The following LGSN variants were observed in gnomAD, a reference collection of about 807,000 sequenced individuals.
LGSN encodes lengsin.
Under a neutral mutation model 19.5 loss-of-function variants are expected in LGSN, and 21 were observed. The ratio of observed to expected loss-of-function variants is 1.07; its 90% CI spans 0.76 to 1.55. The LOEUF is 1.55. Among genes scored for constraint, LGSN ranks in the 40% most tolerant of loss-of-function variants. The pLI, the probability that LGSN is intolerant of heterozygous loss-of-function variation, is 0.00. For missense variants in LGSN, 673 were observed against 608.5 expected (o/e 1.11, Z -1.12); for synonymous variants, 257 against 215.6 (o/e 1.19, Z -1.68).
chr6:63,522,702 A>G, the LGSN span, among the ~76,000 whole-genome samples: 18 of 152,100 alleles, frequency 1.2e-4, no homozygotes, highest in Non-Finnish European at 2.6e-4. Context: ...CCTATTGCTC[A>G]TATGTTTACT....
At chr6:63,523,431 G>A in the LGSN span, among the ~76,000 whole-genome samples, 1 of 152,024 alleles carries the variant, frequency 6.6e-6, no homozygotes, top group Non-Finnish European at 1.5e-5. Flanking sequence ...CTACTCGGGA[G>A]GTTTGAACCC....
chr6:63,553,030 G>C, the LGSN span, among the ~76,000 whole-genome samples: 2 of 152,150 alleles, frequency 1.3e-5, no homozygotes, highest in Non-Finnish European at 2.9e-5. Context: ...AGTTGCACGA[G>C]AGTCTTCATA....
the LGSN span, among the ~76,000 whole-genome samples, chr6:63,325,604 C>T: frequency 3.1e-3 from 471 of 152,088 alleles, 4 homozygotes; most frequent in African/African-American, 0.01. Context: ...ATAATGTGTC[C>T]GGAATTGGTG....
the LGSN span, among the ~76,000 whole-genome samples, chr6:63,465,807 G>A: frequency 2.6e-5 from 4 of 152,124 alleles, no homozygotes; most frequent in East Asian, 7.7e-4. Context: ...TCAAAGGAGA[G>A]AGTGAATTTG....
At chr6:63,332,319 G>C in the LGSN span, among the ~76,000 whole-genome samples, 1 of 152,202 alleles carries the variant, frequency 6.6e-6, no homozygotes, top group East Asian at 1.9e-4. Context: ...CCTCAGAGAA[G>C]AGAGGTGAGA....
the LGSN span, among the ~76,000 whole-genome samples, chr6:63,344,300 A>C: frequency 9.2e-5 from 14 of 152,222 alleles, no homozygotes; most frequent in Non-Finnish European, 1.6e-4. Context: ...AAGAAAATGT[A>C]AGTTGCTTTT....
At chr6:63,556,041 G>A in the LGSN span, among the ~76,000 whole-genome samples, 3 of 151,900 alleles carry the variant, frequency 2.0e-5, no homozygotes, top group Non-Finnish European at 4.4e-5. Flanking sequence ...ACACAATAAA[G>A]ACAATAGAAA....
chr6:63,411,076 C>G, the LGSN span, among the ~76,000 whole-genome samples: 2 of 152,178 alleles, frequency 1.3e-5, no homozygotes, highest in Non-Finnish European at 2.9e-5. Flanking sequence ...TACAGTTCAT[C>G]TCATCTCCAA....
At chr6:63,424,508 G>GACAC in the LGSN span, among the ~76,000 whole-genome samples, 3,953 of 146,658 alleles carry the variant, frequency 0.027, 149 homozygotes, top group African/African-American at 0.084. Flanking sequence ...ACCAAAACCA[G>GACAC]ACACACACAC....
chr6:63,416,124 G>C, the LGSN span, among the ~76,000 whole-genome samples: 45 of 104,914 alleles, frequency 4.3e-4, no homozygotes, highest in Non-Finnish European at 6.0e-4. Flanking sequence ...TTTTTTTTTT[G>C]CTTTTTTTTT....
At chr6:63,384,704 A>G in the LGSN span, among the ~76,000 whole-genome samples, 1 of 152,138 alleles carries the variant, frequency 6.6e-6, no homozygotes, top group East Asian at 1.9e-4. Context: ...TTTAGTAGAG[A>G]CAGGGTTTCA....
the LGSN span, among the ~76,000 whole-genome samples, chr6:63,412,738 AG>A: frequency 3.6e-5 from 2 of 54,934 alleles, no homozygotes; most frequent in Non-Finnish European, 6.8e-5. Flanking sequence ...AAAGAAAGAA[AG>A]AAAGAAAGAA....
chr6:63,315,411 T>C (rs1490542763), intron 1 of LGSN, among the ~76,000 whole-genome samples: 5 of 152,138 alleles, frequency 3.3e-5, no homozygotes, highest in Non-Finnish European at 7.4e-5. Flanking sequence ...TTTACTTAGA[T>C]GGGCTTGTGC....
At chr6:63,298,569 A>G (rs1768068706) in intron 1 of LGSN, among the ~76,000 whole-genome samples, 1 of 152,146 alleles carries the variant, frequency 6.6e-6, no homozygotes, top group South Asian at 2.1e-4. Context: ...TCAAGATGTG[A>G]GAGCCAAAAC....
the LGSN span, among the ~76,000 whole-genome samples, chr6:63,398,847 G>C: frequency 6.6e-6 from 1 of 151,972 alleles, no homozygotes; most frequent in Non-Finnish European, 1.5e-5. Flanking sequence ...TTTTGATATA[G>C]GGTTTTGCTC....
chr6:63,532,161 T>A, the LGSN span, among the ~76,000 whole-genome samples: 1 of 152,146 alleles, frequency 6.6e-6, no homozygotes, highest in Admixed American at 6.6e-5. Context: ...AAAGAAAAAA[T>A]TAGAAATAAC....
chr6:63,509,427 C>T, the LGSN span, among the ~76,000 whole-genome samples: 3 of 152,008 alleles, frequency 2.0e-5, no homozygotes, highest in Non-Finnish European at 2.9e-5. Flanking sequence ...ATACAAAATT[C>T]AATGAAATCG....
the LGSN span, among the ~76,000 whole-genome samples, chr6:63,566,735 A>G: frequency 6.6e-6 from 1 of 152,246 alleles, no homozygotes; most frequent in East Asian, 1.9e-4. Flanking sequence ...AAATAAGACA[A>G]TGGAGTTTGC....
chr6:63,413,016 G>A, the LGSN span, among the ~76,000 whole-genome samples: 1 of 152,084 alleles, frequency 6.6e-6, no homozygotes, highest in Non-Finnish European at 1.5e-5. Context: ...AAAATCATGT[G>A]CTAAAATAAG....
Sources: allele counts gnomAD v4.1 joint callset (sites outside exome capture counted in the v4.1 genomes callset), GRCh38; gene constraint gnomAD v4.1.1; transcripts MANE v1.5; gene names NCBI Gene and HGNC (gene_info 2026-07-23, HGNC 2026-07-21).